The following BCAS3 variants were observed in gnomAD, a reference collection of about 807,000 sequenced individuals.
BCAS3 encodes the protein BCAS4/BCAS3 fusion.
Under a neutral mutation model 116.1 loss-of-function variants are expected in BCAS3, and 53 were observed. The observed-to-expected ratio is 0.46, with a 90% CI of 0.37 to 0.57. The LOEUF (loss-of-function observed/expected upper bound fraction) is 0.57, where lower values mean the gene tolerates loss of function less well. Ranked by LOEUF, BCAS3 falls within the 20% of genes least tolerant of loss-of-function variation. BCAS3 has a pLI of 0.00. For synonymous variants in BCAS3, 391 were observed against 408.2 expected (o/e 0.96, Z 0.51); for missense variants, 917 against 1,165.4 (o/e 0.79, Z 3.10).
chr17:61,151,112 A>ACTACTG lies in BCAS3; in HGVS notation c.2425+66552_2425+66557dup, dbSNP rs977894771. On this transcript the variant is annotated intron_variant, in intron 22 of 23. Coordinates refer to ENST00000407086, the MANE Select transcript of BCAS3 (RefSeq NM_017679.5). The surrounding 1 kb of genome is among the most constrained non-coding windows in gnomAD (Gnocchi z 4.8). ...TACTGCAATGACTGTTACTGCTACT[A>ACTACTG]CTACTGCTATTACAGGTTGACCATC... Among the ~76,000 whole-genome samples, 2 of 152,212 alleles carry ACTACTG rather than the reference A, an allele frequency of 1.3e-5. No homozygotes were observed. The highest frequency in any genetic ancestry group is 1.5e-5 in the Non-Finnish European group (1 of 68,040).
intron 7 of BCAS3, among the ~76,000 whole-genome samples, chr17:60,865,136 G>A (rs779211151): frequency 3.9e-5 from 6 of 152,074 alleles, no homozygotes; most frequent in Middle Eastern, 3.4e-3. Flanking sequence ...AGCACGTAGT[G>A]TTGTAAAAAT....
chr17:61,218,280 C>T (rs1373063085), intron 22 of BCAS3, among the ~76,000 whole-genome samples: 1 of 152,112 alleles, frequency 6.6e-6, no homozygotes, highest in East Asian at 1.9e-4. Flanking sequence ...TAGGTAATGC[C>T]CCTTTTCCTA....
intron 12 of BCAS3, among the ~76,000 whole-genome samples, chr17:60,915,073 T>C (rs1030385751): frequency 1.3e-5 from 2 of 152,218 alleles, no homozygotes; most frequent in East Asian, 1.9e-4. Context: ...GTTTTACTTA[T>C]CAGAAACTGA....
In BCAS3 at chr17:61,156,927, C is replaced by A. The variant is rs531415965; in HGVS notation, c.2425+72363C>A. 5.9e-5 allele frequency among the ~76,000 whole-genome samples: 9 copies of A among 152,064 alleles called. No homozygotes were observed. In the East Asian group the frequency reaches 1.7e-3, roughly 29 times the overall value. ...CCTTTGAAACAACACTTAAAAAAAACAAATTCTACAACATTTAAACAGTTG... is the reference window on the plus strand; with the variant it reads ...CCTTTGAAACAACACTTAAAAAAAAAAAATTCTACAACATTTAAACAGTTG... On this transcript the variant is annotated intron_variant, in intron 22 of 23. Coordinates refer to ENST00000407086, the MANE Select transcript of BCAS3 (RefSeq NM_017679.5). This position sits in a 1 kb window ranked among gnomAD's most constrained non-coding sequence, Gnocchi z 4.7.
chr17:60,722,759 CAAAA>C (rs571361987), intron 5 of BCAS3, among the ~76,000 whole-genome samples: 1 of 77,368 alleles, frequency 1.3e-5, no homozygotes, highest in African/African-American at 4.4e-5. Flanking sequence ...GACTCTGTCT[CAAAA>C]AAAAAAAAAA....
At position 61,222,998 on chromosome 17, in the gene BCAS3, C is replaced by T. The variant is rs562678140; in HGVS notation, c.2425+138434C>T. ...ACTGGGCTTTTCTCCTTTTCCAGTC[C>T]GGTTGTTCCCAAAATCACTAGTTTA... is the stretch of plus-strand genomic sequence containing the variant. On this transcript the variant is annotated intron_variant, in intron 22 of 23. Transcript: ENST00000407086. This position sits in a 1 kb window ranked among gnomAD's most constrained non-coding sequence, Gnocchi z 6.1. Among the ~76,000 whole-genome samples, 15 of 152,194 alleles carry T rather than the reference C, an allele frequency of 9.9e-5. No individual in the cohort carries two copies. Among genetic ancestry groups the T allele is most frequent in the Admixed American group, 2.0e-4 (3 of 15,278 alleles).
rs1490128520 is a variant in BCAS3 at position 60,961,610 on chromosome 17, TA to T, written c.1221+14265del. Among the ~76,000 whole-genome samples, 4 of 152,242 alleles carry T rather than the reference TA, an allele frequency of 2.6e-5. No individual in the cohort carries two copies. The highest frequency in any genetic ancestry group is 3.4e-3 in the Middle Eastern group (1 of 294). ...TATCAAATTTCTCCTTTTTTATACT[TA>T]AAAAAATATACATATAAAATTTACT... On this transcript the variant is annotated intron_variant, in intron 14 of 23. Coordinates refer to ENST00000407086, the MANE Select transcript of BCAS3 (RefSeq NM_017679.5). The surrounding 1 kb of genome is among the most constrained non-coding windows in gnomAD (Gnocchi z 4.8).
At chr17:60,890,200 T>G (rs2057041585) in intron 10 of BCAS3, among the ~76,000 whole-genome samples, 1 of 152,226 alleles carries the variant, frequency 6.6e-6, no homozygotes, top group Admixed American at 6.5e-5. Context: ...ACGCCTGTAA[T>G]CCCAGCACTT....
chr17:60,718,858 G>A (rs954258347), intron 5 of BCAS3, among the ~76,000 whole-genome samples: 1 of 152,052 alleles, frequency 6.6e-6, no homozygotes, highest in Admixed American at 6.6e-5. Flanking sequence ...CCAGGAGATC[G>A]AGACCATCCT....
chr17:60,696,535 T>C (rs2035616593), intron 4 of BCAS3: 1 of 152,208 alleles, frequency 6.6e-6, no homozygotes. Context: ...CCCATGCTGA[T>C]GAGTAGTGAA....
rs776290669 is a variant in BCAS3, at chr17:60,987,797, C to CT, written c.1222-2170dup. ...GCAAACGAGGCTCATTTGACTTTTTCTTTTCGAATTTGGATGCCTTTTATT... is the reference window on the plus strand; with the variant it reads ...GCAAACGAGGCTCATTTGACTTTTTCTTTTTCGAATTTGGATGCCTTTTATT... On this transcript the variant is annotated intron_variant, in intron 14 of 23. Transcript: ENST00000407086. Among the ~76,000 whole-genome samples the CT allele has an allele frequency of 3.3e-5, 5 of 152,064 alleles. No homozygotes were observed. The South Asian group carries it at 1.0e-3, about 32-fold the overall frequency.
chr17:60,889,380 A>T (rs2056978057), intron 9 of BCAS3, among the ~76,000 whole-genome samples: 1 of 152,206 alleles, frequency 6.6e-6, no homozygotes, highest in Admixed American at 6.5e-5. Flanking sequence ...TGTTAGACTT[A>T]AAATGGCCCT....
At position 61,181,530 on chromosome 17, in the gene BCAS3, T is replaced by A. The variant is rs1364077128; in HGVS notation, c.2425+96966T>A. Reference sequence around the variant, plus strand: ...AAAGAGCTTGACTATTTTAATCATTTCCCTTTGATAGTCTGGTCATTTCTT... The same window carrying A: ...AAAGAGCTTGACTATTTTAATCATTACCCTTTGATAGTCTGGTCATTTCTT... On this transcript the variant is annotated intron_variant, in intron 22 of 23. Transcript: ENST00000407086. The surrounding 1 kb of genome is among the most constrained non-coding windows in gnomAD (Gnocchi z 5.0). Among the ~76,000 whole-genome samples, 3 of 152,192 alleles carry A rather than the reference T, an allele frequency of 2.0e-5. No individual in the cohort carries two copies. Among genetic ancestry groups the A allele is most frequent in the African/African-American group, 7.2e-5 (3 of 41,434 alleles).
chr17:60,794,162 T>C (rs1023082367), intron 6 of BCAS3, among the ~76,000 whole-genome samples: 25 of 152,224 alleles, frequency 1.6e-4, no homozygotes, highest in African/African-American at 5.8e-4. Context: ...TCATTAGTGG[T>C]ATTGAGCATT....
Position 61,388,250 on chromosome 17 carries a change from GTCC to G in BCAS3, c.2594-3720_2594-3718del. On this transcript the variant is annotated intron_variant, in intron 23 of 23. Coordinates refer to ENST00000407086, the MANE Select transcript of BCAS3 (RefSeq NM_017679.5). This position sits in a 1 kb window ranked among gnomAD's most constrained non-coding sequence, Gnocchi z 6.5. Reference sequence around the variant, plus strand: ...CCTGAAAACTGCAGTCTGTTTCCCTGTCCTCCTCCAGCAACCCACCTGCATGGG... The same window carrying G: ...CCTGAAAACTGCAGTCTGTTTCCCTGTCCTCCAGCAACCCACCTGCATGGG... 1.9e-5 allele frequency: 4 copies of G among 215,268 alleles called. No individual in the cohort carries two copies. In the South Asian group the frequency reaches 2.3e-4, roughly 13 times the overall value. 13.3% of individuals were successfully genotyped at this position (215,268 alleles called of 1,614,324 possible).
intron 22 of BCAS3, among the ~76,000 whole-genome samples, chr17:61,096,710 C>T (rs368808628): frequency 1.3e-4 from 20 of 152,260 alleles, no homozygotes; most frequent in African/African-American, 4.3e-4. Flanking sequence ...TCCCATATTA[C>T]ACTTGTTTAA....
At chr17:61,263,714 T>C (rs2049422773) in intron 22 of BCAS3, among the ~76,000 whole-genome samples, 1 of 152,234 alleles carries the variant, frequency 6.6e-6, no homozygotes, top group Admixed American at 6.5e-5. Context: ...ATTTCTTTCC[T>C]GCCAGATATT....
Position 61,278,730 on chromosome 17 carries a change from C to G in BCAS3, c.2426-89597C>G, listed in dbSNP as rs982838120. Among the ~76,000 whole-genome samples, 22 of 152,068 alleles carry G rather than the reference C, an allele frequency of 1.4e-4. No homozygotes were observed. Among genetic ancestry groups the G allele is most frequent in the African/African-American group, 5.3e-4 (22 of 41,392 alleles). On this transcript the variant is annotated intron_variant, in intron 22 of 23. Transcript: ENST00000407086. The surrounding 1 kb of genome is among the most constrained non-coding windows in gnomAD (Gnocchi z 5.8). ...AAATATTTGTGACTGGAAGAACCAG[C>G]CAGTATGGTTCCACTTATATGACAT...
chr17:61,339,853 A>G lies in BCAS3; in HGVS notation c.2426-28474A>G, dbSNP rs2057012403. The stretch of plus-strand genomic sequence containing the variant: ...CGGCCGGAAAGATGGGAGGAAAACC[A>G]GGTGAGTGTGCTGTCCCGAAAGCCA... On this transcript the variant is annotated intron_variant, in intron 22 of 23. Coordinates refer to ENST00000407086, the MANE Select transcript of BCAS3 (RefSeq NM_017679.5). This position sits in a 1 kb window ranked among gnomAD's most constrained non-coding sequence, Gnocchi z 4.4. 6.6e-6 allele frequency among the ~76,000 whole-genome samples: 1 copy of G among 152,050 alleles called. No individual in the cohort carries two copies. Among genetic ancestry groups the G allele is most frequent in the Non-Finnish European group, 1.5e-5 (1 of 68,004 alleles).
Sources: allele counts gnomAD v4.1 joint callset (sites outside exome capture counted in the v4.1 genomes callset), GRCh38; gene constraint gnomAD v4.1.1; non-coding constraint Gnocchi (gnomAD v3.1); transcripts MANE v1.5; gene names NCBI Gene and HGNC (gene_info 2026-07-23, HGNC 2026-07-21).